The following CFAP299 variants were observed in gnomAD, a reference collection of about 807,000 sequenced individuals.
The protein encoded by CFAP299 is cilia- and flagella-associated protein 299.
In CFAP299, 21 loss-of-function variants were observed where a neutral mutation model predicts 27.0. The observed-to-expected ratio is 0.78, with a 90% CI of 0.55 to 1.12. The LOEUF (loss-of-function observed/expected upper bound fraction) is 1.12, where lower values mean the gene tolerates loss of function less well. CFAP299 is among the 50% of genes most tolerant of loss of function. The pLI is 0.00. For synonymous variants in CFAP299, 104 were observed against 98.1 expected, an observed-to-expected ratio of 1.06 and a Z score of -0.36; for missense variants, 310 against 276.6, an observed-to-expected ratio of 1.12 and a Z score of -0.86.
chr4:80,646,986 AGAGTGTGTGTGTGT>A (rs70944801), intron 3 of CFAP299, among the ~76,000 whole-genome samples: 12,695 of 49,064 alleles, frequency 0.26, 579 homozygotes, highest in Middle Eastern at 0.34. Flanking sequence ...AGAGAGAGAG[AGAGTGTGTGTGTGT>A]GTGTGTGTGT....
chr4:80,390,915 A>G (rs1338696752), intron 2 of CFAP299, among the ~76,000 whole-genome samples: 2 of 67,322 alleles, frequency 3.0e-5, no homozygotes, highest in South Asian at 5.5e-4. Flanking sequence ...ATATGTATAT[A>G]CACACATATG....
At chr4:80,875,015 CTA>C (rs1188267718) in intron 4 of CFAP299, among the ~76,000 whole-genome samples, 1 of 151,572 alleles carries the variant, frequency 6.6e-6, no homozygotes, top group Non-Finnish European at 1.5e-5. Flanking sequence ...ATAATTTTAC[CTA>C]TTTCTTTTTA....
At chr4:80,700,802 A>G (rs978938635) in intron 3 of CFAP299, among the ~76,000 whole-genome samples, 5 of 152,174 alleles carry the variant, frequency 3.3e-5, no homozygotes, top group African/African-American at 1.2e-4. Context: ...ATAAAATGGG[A>G]TAGATTTAAT....
chr4:80,416,135 A>G (rs1162379579), intron 2 of CFAP299, among the ~76,000 whole-genome samples: 2 of 152,216 alleles, frequency 1.3e-5, no homozygotes, highest in South Asian at 2.1e-4. Flanking sequence ...TATACATGCT[A>G]GAAGACCAGG....
intron 2 of CFAP299, among the ~76,000 whole-genome samples, chr4:80,562,598 C>A (rs1735088135): frequency 6.6e-6 from 1 of 151,030 alleles, no homozygotes; most frequent in Admixed American, 6.6e-5. Flanking sequence ...GTGGAGATTG[C>A]AGTGAGCTGA....
intron 2 of CFAP299, among the ~76,000 whole-genome samples, chr4:80,499,566 T>G (rs1228424079): frequency 6.6e-6 from 1 of 152,136 alleles, no homozygotes; most frequent in African/African-American, 2.4e-5. Flanking sequence ...TGTATTTTGA[T>G]TTAGGCATGT....
intron 2 of CFAP299, among the ~76,000 whole-genome samples, chr4:80,366,623 G>A (rs1170491475): frequency 6.6e-6 from 1 of 152,176 alleles, no homozygotes; most frequent in Non-Finnish European, 1.5e-5. Context: ...TACATTGTTG[G>A]TGGGAATGGA....
chr4:80,488,474 CTT>C (rs35951592), intron 2 of CFAP299, among the ~76,000 whole-genome samples: 32 of 136,486 alleles, frequency 2.3e-4, no homozygotes, highest in African/African-American at 2.8e-4. Flanking sequence ...TGGTAAACAC[CTT>C]TTTTTTTTTT....
At chr4:80,386,514 G>GT (rs768842111) in intron 2 of CFAP299, 65 of 1,028,286 alleles carry the variant, frequency 6.3e-5, no homozygotes, top group African/African-American at 1.4e-4. Context: ...GGCGGTGGTG[G>GT]GGGGGGGGGG....
chr4:80,400,114 T>C (rs1726058982), intron 2 of CFAP299, among the ~76,000 whole-genome samples: 1 of 152,208 alleles, frequency 6.6e-6, no homozygotes, highest in Admixed American at 6.5e-5. Context: ...TCTTTATGTC[T>C]GTATGTTGAT....
chr4:80,688,954 T>G (rs1720439586), intron 3 of CFAP299, among the ~76,000 whole-genome samples: 1 of 151,732 alleles, frequency 6.6e-6, no homozygotes, highest in Admixed American at 6.6e-5. Flanking sequence ...CGATGGAAGA[T>G]GAAATGAATG....
intron 3 of CFAP299, among the ~76,000 whole-genome samples, chr4:80,707,199 G>C (rs1467569472): frequency 6.6e-6 from 1 of 151,868 alleles, no homozygotes; most frequent in Non-Finnish European, 1.5e-5. Context: ...ACAGGGGCTG[G>C]AATATTATGA....
chr4:80,420,239 C>G (rs1277636121), intron 2 of CFAP299: 1 of 455,994 alleles, frequency 2.2e-6, no homozygotes, highest in Non-Finnish European at 4.4e-6. Flanking sequence ...TTAATCTTTC[C>G]TAGATCTGGA....
intron 2 of CFAP299, among the ~76,000 whole-genome samples, chr4:80,373,466 G>A (rs1724251245): frequency 6.6e-6 from 1 of 152,034 alleles, no homozygotes; most frequent in African/African-American, 2.4e-5. Flanking sequence ...ACAAGTTCTT[G>A]GTCTAAAAAC....
intron 5 of CFAP299, among the ~76,000 whole-genome samples, chr4:80,948,020 C>T (rs1002032712): frequency 6.6e-6 from 1 of 151,984 alleles, no homozygotes; most frequent in Non-Finnish European, 1.5e-5. Flanking sequence ...CTCATAACTC[C>T]AGTAGTTAAA....
At chr4:80,842,584 G>A (rs897334848) in intron 3 of CFAP299, among the ~76,000 whole-genome samples, 1 of 152,118 alleles carries the variant, frequency 6.6e-6, no homozygotes, top group East Asian at 1.9e-4. Context: ...GTGCAAGACC[G>A]AGTTTGATCA....
At chr4:80,689,490 G>A (rs1430354918) in intron 3 of CFAP299, among the ~76,000 whole-genome samples, 2 of 152,160 alleles carry the variant, frequency 1.3e-5, no homozygotes, top group Non-Finnish European at 2.9e-5. Flanking sequence ...ACAAGCAAAT[G>A]CTGAGAGATT....
chr4:80,338,333 A>G lies in CFAP299; in HGVS notation c.111+2454A>G, dbSNP rs538354551. Among the ~76,000 whole-genome samples the G allele has an allele frequency of 5.5e-4, 84 of 152,334 alleles. 1 individual carries two copies. The highest frequency in any genetic ancestry group is 2.0e-3 in the African/African-American group (82 of 41,560). ...AAATCTATTTTCTTGACATTTTAAA[A>G]GAACATAATATATTGTTATTAACTG... On this transcript the variant is annotated intron_variant, in intron 1 of 5. Coordinates refer to ENST00000358105, the MANE Select transcript of CFAP299 (RefSeq NM_152770.3).
chr4:80,417,776 C>T (rs970217994), intron 2 of CFAP299, among the ~76,000 whole-genome samples: 3 of 152,088 alleles, frequency 2.0e-5, no homozygotes, highest in African/African-American at 7.2e-5. Flanking sequence ...CTCTGCTCTT[C>T]TGTATATATA....
Sources: gnomAD v4.1 joint callset for allele counts (sites outside exome capture counted in the v4.1 genomes callset) on GRCh38, gnomAD v4.1.1 for gene constraint, MANE v1.5 for transcripts, NCBI Gene and HGNC (gene_info 2026-07-23, HGNC 2026-07-21) for gene names.